The following NDUFAF2 variants were observed in gnomAD, a reference collection of about 807,000 sequenced individuals.
The protein encoded by NDUFAF2 is NADH dehydrogenase [ubiquinone] 1 alpha subcomplex assembly factor 2.
NDUFAF2 carries 13 observed loss-of-function variants against 22.8 expected under a neutral mutation model. The observed-to-expected ratio is 0.57, with a 90% CI of 0.37 to 0.91. NDUFAF2 has a LOEUF of 0.91. Among genes scored for constraint, NDUFAF2 ranks in the 40% least tolerant of loss-of-function variants. The pLI is 0.01. For missense variants in NDUFAF2, 162 were observed against 195.2 expected, an observed-to-expected ratio of 0.83 and a Z score of 1.01; for synonymous variants, 53 against 64.2, an observed-to-expected ratio of 0.83 and a Z score of 0.84.
At chr5:61,148,460 G>T (rs1400548900) in intron 3 of NDUFAF2, among the ~76,000 whole-genome samples, 1 of 152,156 alleles carries the variant, frequency 6.6e-6, no homozygotes, top group Non-Finnish European at 1.5e-5. Context: ...AGAGAGATGT[G>T]TACAAGTTTG....
chr5:61,122,960 A>G (rs939682861), intron 3 of NDUFAF2, among the ~76,000 whole-genome samples: 8 of 152,100 alleles, frequency 5.3e-5, no homozygotes, highest in Admixed American at 2.0e-4. Flanking sequence ...ATACCAGATA[A>G]ACCTTGATAC....
At chr5:60,950,795 A>G (rs1313471691) in intron 1 of NDUFAF2, among the ~76,000 whole-genome samples, 2 of 152,052 alleles carry the variant, frequency 1.3e-5, no homozygotes, top group Non-Finnish European at 2.9e-5. Context: ...CCCCCAATGC[A>G]GTTTCTCCCA....
chr5:61,136,976 AT>A (rs1740972230), intron 3 of NDUFAF2, among the ~76,000 whole-genome samples: 1 of 152,252 alleles, frequency 6.6e-6, no homozygotes, highest in Admixed American at 6.5e-5. Context: ...CTTCATCTAA[AT>A]AAGCTATTTA....
intron 1 of NDUFAF2, among the ~76,000 whole-genome samples, chr5:61,016,686 C>G (rs1751515568): frequency 6.6e-6 from 1 of 152,122 alleles, no homozygotes; most frequent in East Asian, 1.9e-4. Context: ...AGTTCTCTCC[C>G]CAAAGCCTGA....
rs149569584 is a variant in NDUFAF2, at chr5:61,076,172, G to A, written c.217+2958G>A. On this transcript the variant is annotated intron_variant, in intron 2 of 3. Transcript: ENST00000296597. ...TGCAGGCTCCACCTCCCAAGTTCAC[G>A]CCATTCTCCCGCCTCAGCCTCCTGA... Among the ~76,000 whole-genome samples, 825 of 152,226 alleles carry A rather than the reference G, an allele frequency of 5.4e-3. 6 individuals carry two copies. Among genetic ancestry groups the A allele is most frequent in the African/African-American group, 0.018 (760 of 41,536 alleles).
intron 1 of NDUFAF2, among the ~76,000 whole-genome samples, chr5:61,004,694 A>C (rs1751342082): frequency 6.6e-6 from 1 of 152,102 alleles, no homozygotes; most frequent in African/African-American, 2.4e-5. Context: ...AGGTAAATAA[A>C]CATTGTGACT....
chr5:60,955,134 A>G (rs1750598463), intron 1 of NDUFAF2, among the ~76,000 whole-genome samples: 1 of 152,204 alleles, frequency 6.6e-6, no homozygotes, highest in African/African-American at 2.4e-5. Flanking sequence ...TATCCAAGAA[A>G]TCATTGCCAA....
At chr5:61,073,961 T>C (rs762120996) in intron 2 of NDUFAF2, among the ~76,000 whole-genome samples, 2 of 152,248 alleles carry the variant, frequency 1.3e-5, no homozygotes, top group Non-Finnish European at 2.9e-5. Flanking sequence ...GAGAAGTACA[T>C]AGAGAGAATA....
chr5:61,035,826 TATG>T (rs1438114121), intron 1 of NDUFAF2, among the ~76,000 whole-genome samples: 42 of 152,168 alleles, frequency 2.8e-4, no homozygotes, highest in Non-Finnish European at 4.7e-4. Context: ...GTCTAGAGCA[TATG>T]ATGAGTCTAC....
At chr5:60,976,357 C>T (rs1451927865) in intron 1 of NDUFAF2, among the ~76,000 whole-genome samples, 1 of 149,684 alleles carries the variant, frequency 6.7e-6, no homozygotes, top group Non-Finnish European at 1.5e-5. Context: ...CTTTTTTAGG[C>T]TTTATGTATG....
chr5:61,105,315 A>G (rs987617493), intron 3 of NDUFAF2, among the ~76,000 whole-genome samples: 5 of 151,270 alleles, frequency 3.3e-5, no homozygotes, highest in African/African-American at 1.2e-4. Flanking sequence ...TCTGTGCCCA[A>G]TATTACTAGG....
chr5:61,110,564 C>G (rs556186151), intron 3 of NDUFAF2, among the ~76,000 whole-genome samples: 20 of 152,102 alleles, frequency 1.3e-4, no homozygotes, highest in African/African-American at 4.8e-4. Context: ...TTGTATGTGT[C>G]TAGGAATTTA....
At chr5:61,088,615 T>G (rs1231483452) in intron 2 of NDUFAF2, among the ~76,000 whole-genome samples, 1 of 152,138 alleles carries the variant, frequency 6.6e-6, no homozygotes, top group Non-Finnish European at 1.5e-5. Flanking sequence ...CTCAATAAAG[T>G]TAAGAGAAAA....
chr5:60,968,623 A>G (rs1290847785), intron 1 of NDUFAF2, among the ~76,000 whole-genome samples: 2 of 152,046 alleles, frequency 1.3e-5, no homozygotes, highest in Admixed American at 6.6e-5. Flanking sequence ...TATAGGTTAC[A>G]TGAGATATTT....
At chr5:61,105,250 T>C (rs1365618036) in intron 3 of NDUFAF2, among the ~76,000 whole-genome samples, 1 of 151,332 alleles carries the variant, frequency 6.6e-6, no homozygotes, top group Non-Finnish European at 1.5e-5. Flanking sequence ...TTTCTGGATT[T>C]TTCAGGCCCA....
chr5:61,088,264 T>C (rs1369237986), intron 2 of NDUFAF2, among the ~76,000 whole-genome samples: 1 of 152,042 alleles, frequency 6.6e-6, no homozygotes, highest in African/African-American at 2.4e-5. Flanking sequence ...CATAATCTTA[T>C]ATAACGTAAT....
At chr5:61,050,233 T>C (rs1752007919) in intron 1 of NDUFAF2, 1 of 152,070 alleles carries the variant, frequency 6.6e-6, no homozygotes, top group Non-Finnish European at 1.5e-5. Flanking sequence ...TCGACAACAC[T>C]TGTTATTTTG....
intron 1 of NDUFAF2, among the ~76,000 whole-genome samples, chr5:60,955,842 G>A (rs1390926546): frequency 6.6e-6 from 1 of 150,634 alleles, no homozygotes; most frequent in African/African-American, 2.4e-5. Context: ...TTGTAAGTAG[G>A]TTGTTTTCTT....
Position 60,948,848 on chromosome 5 carries a change from G to A in NDUFAF2, c.127+3466G>A, listed in dbSNP as rs780212096. ...GAATGGCTGAGTCAACTTGTTAGGT[G>A]TATGTTTAACTTCTTAAGAAACTGC... On this transcript the variant is annotated intron_variant, in intron 1 of 3. Coordinates refer to ENST00000296597, the MANE Select transcript of NDUFAF2 (RefSeq NM_174889.5). Among the ~76,000 whole-genome samples, 12 of 152,254 alleles carry A rather than the reference G, an allele frequency of 7.9e-5. No individual in the cohort carries two copies. In the East Asian group the frequency reaches 1.9e-3, roughly 25 times the overall value.
Sources: allele counts gnomAD v4.1 joint callset (sites outside exome capture counted in the v4.1 genomes callset), GRCh38; gene constraint gnomAD v4.1.1; transcripts MANE v1.5; gene names NCBI Gene and HGNC (gene_info 2026-07-23, HGNC 2026-07-21).